The following CNTNAP2 variants were observed in gnomAD, a reference collection of about 807,000 sequenced individuals.
The protein encoded by CNTNAP2 is contactin associated protein 2, also known as contactin-associated protein-like 2.
Under a neutral mutation model 155.2 loss-of-function variants are expected in CNTNAP2, and 98 were observed. That is an observed-to-expected ratio of 0.63 (90% CI 0.54 to 0.75). CNTNAP2 has a LOEUF of 0.75. Among genes scored for constraint, CNTNAP2 ranks in the 30% least tolerant of loss-of-function variants. The pLI, the probability that CNTNAP2 is intolerant of heterozygous loss-of-function variation, is 0.00. For missense variants in CNTNAP2, 1,727 were observed against 1,688.1 expected, an observed-to-expected ratio of 1.02 and a Z score of -0.40; for synonymous variants, 651 against 631.2, an observed-to-expected ratio of 1.03 and a Z score of -0.47.
chr7:146,929,082 C>G (rs1208679384), intron 3 of CNTNAP2, among the ~76,000 whole-genome samples: 1 of 152,208 alleles, frequency 6.6e-6, no homozygotes, highest in Non-Finnish European at 1.5e-5. Flanking sequence ...TTGAAGAGAG[C>G]AGTGGCTCTC....
intron 12 of CNTNAP2, among the ~76,000 whole-genome samples, chr7:147,630,683 A>G (rs1265901140): frequency 6.6e-6 from 1 of 152,224 alleles, no homozygotes; most frequent in Non-Finnish European, 1.5e-5. Flanking sequence ...ACAACCAAAT[A>G]AATATGATGC....
At chr7:147,537,069 C>T (rs116831564) in intron 11 of CNTNAP2, among the ~76,000 whole-genome samples, 1,688 of 152,272 alleles carry the variant, frequency 0.011, 35 homozygotes, top group African/African-American at 0.039. Flanking sequence ...ACAGTGATAC[C>T]TCCTTTGTCT....
At chr7:146,132,798 A>C (rs1335095836) in intron 1 of CNTNAP2, among the ~76,000 whole-genome samples, 5 of 149,588 alleles carry the variant, frequency 3.3e-5, no homozygotes, top group East Asian at 2.0e-4. Flanking sequence ...ACATTTTCTT[A>C]ATCCAGTCTA....
chr7:147,368,779 T>C (rs1328792706), intron 9 of CNTNAP2, among the ~76,000 whole-genome samples: 1 of 152,208 alleles, frequency 6.6e-6, no homozygotes, highest in Non-Finnish European at 1.5e-5. Context: ...GAGTTCCTCT[T>C]ATTGCTGAAG....
intron 13 of CNTNAP2, among the ~76,000 whole-genome samples, chr7:147,746,769 C>T (rs74463636): frequency 5.9e-5 from 9 of 152,130 alleles, no homozygotes; most frequent in East Asian, 1.9e-4. Context: ...GAGAGAACTC[C>T]GTTCTACAAA....
chr7:146,394,635 T>C (rs533708400), intron 1 of CNTNAP2, among the ~76,000 whole-genome samples: 4 of 152,224 alleles, frequency 2.6e-5, no homozygotes, highest in African/African-American at 9.6e-5. Context: ...ATTTGTCTTA[T>C]CTCCCCATGA....
At chr7:148,114,218 G>A (rs1458212795) in intron 15 of CNTNAP2, among the ~76,000 whole-genome samples, 1 of 152,190 alleles carries the variant, frequency 6.6e-6, no homozygotes, top group Non-Finnish European at 1.5e-5. Flanking sequence ...TAAAGCCATG[G>A]ATAAGGAGAA....
At chr7:147,514,280 AG>A (rs1453532620) in intron 11 of CNTNAP2, among the ~76,000 whole-genome samples, 2 of 152,150 alleles carry the variant, frequency 1.3e-5, no homozygotes, top group Admixed American at 6.5e-5. Context: ...AAATATATAT[AG>A]ATATGGATAT....
At chr7:146,257,933 G>A (rs1799864109) in intron 1 of CNTNAP2, among the ~76,000 whole-genome samples, 1 of 151,340 alleles carries the variant, frequency 6.6e-6, no homozygotes, top group Non-Finnish European at 1.5e-5. Context: ...CACCCAGACT[G>A]GAGTGCAGTG....
intron 1 of CNTNAP2, among the ~76,000 whole-genome samples, chr7:146,760,455 G>T (rs1357503078): frequency 6.5e-5 from 6 of 91,850 alleles, no homozygotes; most frequent in Non-Finnish European, 1.2e-4. Flanking sequence ...GACAGGGTCT[G>T]GCTCTGTTGC....
chr7:147,610,535 T>G (rs1801163581), intron 12 of CNTNAP2, among the ~76,000 whole-genome samples: 1 of 152,174 alleles, frequency 6.6e-6, no homozygotes, highest in Admixed American at 6.5e-5. Flanking sequence ...TGGTATTTTC[T>G]TAGTTCCCTC....
intron 13 of CNTNAP2, among the ~76,000 whole-genome samples, chr7:147,800,511 CT>C (rs1797967271): frequency 6.6e-6 from 1 of 152,012 alleles, no homozygotes; most frequent in South Asian, 2.1e-4. Context: ...ACAAAGACTC[CT>C]TTGAAGGACA....
intron 1 of CNTNAP2, among the ~76,000 whole-genome samples, chr7:146,189,950 A>G (rs930160260): frequency 1.3e-5 from 2 of 152,176 alleles, no homozygotes; most frequent in Admixed American, 1.3e-4. Flanking sequence ...TCTTTTGCAC[A>G]TGATCCCATA....
rs540809295 is a variant in CNTNAP2 at position 146,285,978 on chromosome 7, CTGTG to C, written c.97+169047_97+169050del. ...CTTCCTTCCTTCCTTCCTTCCTTCT[CTGTG>C]TGTGTGTGTGTGTGTGTGTGTGTGT... is the stretch of plus-strand genomic sequence containing the variant. On this transcript the variant is annotated intron_variant, in intron 1 of 23. Transcript: ENST00000361727. Among the ~76,000 whole-genome samples, 319 of 33,700 alleles carry C rather than the reference CTGTG, an allele frequency of 9.5e-3. 12 individuals carry two copies. The highest frequency in any genetic ancestry group is 0.047 in the African/African-American group (169 of 3,610). 22.1% of individuals were successfully genotyped at this position (33,700 alleles called of 152,430 possible). A position where few individuals can be genotyped will look rare whatever the true frequency, so the allele number is the denominator to read the frequency against.
At chr7:147,741,835 C>T (rs1796961289) in intron 13 of CNTNAP2, among the ~76,000 whole-genome samples, 1 of 152,116 alleles carries the variant, frequency 6.6e-6, no homozygotes, top group Non-Finnish European at 1.5e-5. Flanking sequence ...TGATTCCATC[C>T]TATTTTATGT....
intron 10 of CNTNAP2, among the ~76,000 whole-genome samples, chr7:147,470,107 T>G (rs1798190759): frequency 6.6e-6 from 1 of 152,120 alleles, no homozygotes; most frequent in Non-Finnish European, 1.5e-5. Flanking sequence ...TTTCTTTTAC[T>G]CAGGTAGGAA....
chr7:148,230,138 G>T (rs1795932743), intron 20 of CNTNAP2, among the ~76,000 whole-genome samples: 1 of 152,144 alleles, frequency 6.6e-6, no homozygotes, highest in African/African-American at 2.4e-5. Context: ...CCCAGCAAAG[G>T]TTATTTTGGT....
intron 9 of CNTNAP2, among the ~76,000 whole-genome samples, chr7:147,301,333 T>C (rs1005087487): frequency 2.6e-5 from 4 of 152,234 alleles, no homozygotes; most frequent in Non-Finnish European, 5.9e-5. Flanking sequence ...TCATAACTAA[T>C]ACATTATGAG....
At chr7:148,247,669 T>TTTTTG (rs1030341871) in intron 20 of CNTNAP2, among the ~76,000 whole-genome samples, 1 of 149,022 alleles carries the variant, frequency 6.7e-6, no homozygotes, top group African/African-American at 2.5e-5. Context: ...ATTTATTTTT[T>TTTTTG]TGGAGATAGA....
Sources: gnomAD v4.1 joint callset for allele counts (sites outside exome capture counted in the v4.1 genomes callset) on GRCh38, gnomAD v4.1.1 for gene constraint, MANE v1.5 for transcripts, NCBI Gene and HGNC (gene_info 2026-07-23, HGNC 2026-07-21) for gene names.